Variants in CYP4X1 observed in about 807,000 individuals in gnomAD.
CYP4X1 encodes the protein cytochrome P450 4X1.
In CYP4X1, 44 loss-of-function variants were observed where a neutral mutation model predicts 57.9. That is an observed-to-expected ratio of 0.76 (90% CI 0.60 to 0.98). The LOEUF (loss-of-function observed/expected upper bound fraction) is 0.98. Among genes scored for constraint, CYP4X1 ranks in the 50% least tolerant of loss-of-function variants. The pLI is 0.00. For missense variants in CYP4X1, 532 were observed against 623.9 expected (o/e 0.85, Z 1.57); for synonymous variants, 227 against 228.6 (o/e 0.99, Z 0.06).
intron 3 of CYP4X1, 93 bp from the exon 4 acceptor site, chr1:47,033,148 G>A: frequency 7.1e-7 from 1 of 1,409,044 alleles, no homozygotes; most frequent in Non-Finnish European, 9.7e-7. Flanking sequence ...ACTGCCTGTG[G>A]GTCATGGTTA....
the CYP4X1 span, among the ~76,000 whole-genome samples, chr1:47,010,856 T>G: frequency 1.3e-5 from 2 of 152,146 alleles, no homozygotes; most frequent in African/African-American, 4.8e-5. Flanking sequence ...ACAAGGGACG[T>G]GAAGGACCTC....
chr1:46,961,872 T>C, the CYP4X1 span: 1 of 938,866 alleles, frequency 1.1e-6, no homozygotes, highest in Non-Finnish European at 1.4e-6. Context: ...GGCCTCTTTG[T>C]GCCTGTCTTA....
At chr1:46,965,525 G>A in the CYP4X1 span, among the ~76,000 whole-genome samples, 1 of 152,182 alleles carries the variant, frequency 6.6e-6, no homozygotes, top group Non-Finnish European at 1.5e-5. Flanking sequence ...TTGCTTCGGT[G>A]GGATACCTGG....
In CYP4X1 at chr1:47,050,353, T is replaced by C; in HGVS notation, c.*179T>C. ...TACACAGTGTGTCAGCTAGATCTGT[T>C]TCTATATAACTTTGGGAGATTTTCA... On this transcript the variant is annotated 3_prime_UTR_variant, in exon 12 of 12. Transcript: ENST00000371901. 4.8e-6 allele frequency: 3 copies of C among 618,790 alleles called. No homozygotes were observed. Among genetic ancestry groups the C allele is most frequent in the Non-Finnish European group, 8.2e-6 (3 of 364,912 alleles). The allele number at this position is 618,790 out of a possible 1,614,324, so 38.3% of individuals were successfully genotyped here.
the CYP4X1 span, among the ~76,000 whole-genome samples, chr1:46,978,389 C>T: frequency 2.0e-5 from 3 of 152,190 alleles, no homozygotes; most frequent in Non-Finnish European, 4.4e-5. Flanking sequence ...AAGACCATTA[C>T]AACAATGGTA....
intron 4 of CYP4X1, 128 bp downstream of exon 4, chr1:47,033,496 C>A: frequency 1.7e-6 from 2 of 1,198,176 alleles, no homozygotes; most frequent in Non-Finnish European, 1.1e-6. Flanking sequence ...TGTACACGTA[C>A]TTATTGAACA....
chr1:46,978,358 C>T, the CYP4X1 span, among the ~76,000 whole-genome samples: 150 of 152,120 alleles, frequency 9.9e-4, 3 homozygotes, highest in African/African-American at 3.4e-3. Context: ...TTCAAACCAA[C>T]AAAGATCAAA....
chr1:46,981,385 T>C, the CYP4X1 span, among the ~76,000 whole-genome samples: 3 of 152,064 alleles, frequency 2.0e-5, no homozygotes, highest in Non-Finnish European at 4.4e-5. Context: ...GAAAAAAAGC[T>C]CATCATCACT....
At chr1:47,047,663 G>A (rs914776826) in intron 9 of CYP4X1, among the ~76,000 whole-genome samples, 15 of 152,142 alleles carry the variant, frequency 9.9e-5, no homozygotes, top group Admixed American at 2.6e-4. Flanking sequence ...GTACAGTGGC[G>A]TAATCTCGGC....
At chr1:47,000,223 T>C in the CYP4X1 span, among the ~76,000 whole-genome samples, 1 of 152,150 alleles carries the variant, frequency 6.6e-6, no homozygotes, top group South Asian at 2.1e-4. Flanking sequence ...CCTACTACCA[T>C]GTAAGGTGCG....
the CYP4X1 span, among the ~76,000 whole-genome samples, chr1:46,985,248 A>C: frequency 6.6e-6 from 1 of 152,206 alleles, no homozygotes; most frequent in Non-Finnish European, 1.5e-5. Context: ...GAATGGCATA[A>C]ACCTGGGAGG....
At chr1:46,998,910 A>G in the CYP4X1 span, among the ~76,000 whole-genome samples, 31 of 151,962 alleles carry the variant, frequency 2.0e-4, no homozygotes, top group Non-Finnish European at 3.7e-4. Context: ...TAGGCTCTCT[A>G]TTCTGTCCCA....
the CYP4X1 span, among the ~76,000 whole-genome samples, chr1:46,979,396 G>T: frequency 2.0e-5 from 3 of 152,224 alleles, no homozygotes; most frequent in East Asian, 5.8e-4. Context: ...TAAATTCCTG[G>T]AGACATACAC....
the CYP4X1 span, among the ~76,000 whole-genome samples, chr1:46,998,583 T>C: frequency 6.6e-6 from 1 of 152,190 alleles, no homozygotes; most frequent in Admixed American, 6.5e-5. Context: ...TCTTTAGTTT[T>C]ATTAAGTCCA....
the CYP4X1 span, among the ~76,000 whole-genome samples, chr1:47,017,485 TG>T: frequency 8.3e-6 from 1 of 120,734 alleles, no homozygotes; most frequent in Non-Finnish European, 1.7e-5. Context: ...GGGGTGGAGA[TG>T]GGGGTGGGAT....
chr1:47,048,886 C>G (rs1569662083), intron 10 of CYP4X1, among the ~76,000 whole-genome samples: 1 of 152,234 alleles, frequency 6.6e-6, no homozygotes, highest in Non-Finnish European at 1.5e-5. Context: ...GTATATGTCT[C>G]TGTAATAATT....
the CYP4X1 span, among the ~76,000 whole-genome samples, chr1:46,988,633 C>T: frequency 2.0e-5 from 3 of 152,124 alleles, no homozygotes; most frequent in Admixed American, 6.5e-5. Context: ...GGAAAATCCT[C>T]AATAAAATAC....
the CYP4X1 span, among the ~76,000 whole-genome samples, chr1:46,962,784 G>T: frequency 6.6e-6 from 1 of 152,158 alleles, no homozygotes; most frequent in Non-Finnish European, 1.5e-5. Flanking sequence ...GTGCAGAGAT[G>T]AATTCAATTC....
the CYP4X1 span, among the ~76,000 whole-genome samples, chr1:46,964,324 TAG>T: frequency 6.6e-6 from 1 of 152,344 alleles, no homozygotes; most frequent in South Asian, 2.1e-4. Context: ...GCTCGATTTT[TAG>T]AGTTTCCAGT....
Sources: gnomAD v4.1 joint callset for allele counts (sites outside exome capture counted in the v4.1 genomes callset) on GRCh38, gnomAD v4.1.1 for gene constraint, MANE v1.5 for transcripts, NCBI Gene and HGNC (gene_info 2026-07-23, HGNC 2026-07-21) for gene names.